The following TCF7L2 variants were observed in gnomAD, a reference collection of about 807,000 sequenced individuals.
TCF7L2 encodes transcription factor 7-like 2.
TCF7L2 carries 23 observed loss-of-function variants against 77.9 expected under a neutral mutation model. That is an observed-to-expected ratio of 0.30 (90% confidence interval 0.21 to 0.42). TCF7L2 has a LOEUF of 0.42. Among genes scored for constraint, TCF7L2 ranks in the 10% least tolerant of loss-of-function variants. TCF7L2 has a pLI of 1.00. For missense variants in TCF7L2, 654 were observed against 793.1 expected, an observed-to-expected ratio of 0.82 and a Z score of 2.11; for synonymous variants, 413 against 340.2, an observed-to-expected ratio of 1.21 and a Z score of -2.36.
chr10:113,014,153 A>C (rs2046938528), intron 4 of TCF7L2, among the ~76,000 whole-genome samples: 1 of 152,194 alleles, frequency 6.6e-6, no homozygotes. Flanking sequence ...TTAGACAGGG[A>C]ATGGGTTAGT....
intron 5 of TCF7L2, among the ~76,000 whole-genome samples, chr10:113,058,276 CT>C (rs1357651672): frequency 6.6e-6 from 1 of 152,106 alleles, no homozygotes; most frequent in Non-Finnish European, 1.5e-5. Context: ...ATTTCAGTGT[CT>C]GATGCCCCAG....
chr10:113,127,061 G>A, intron 5 of TCF7L2: 1 of 353,756 alleles, frequency 2.8e-6, no homozygotes, highest in Non-Finnish European at 4.0e-6. Flanking sequence ...CTGGTAAGCT[G>A]CCGGGGTGGA....
intron 13 of TCF7L2, among the ~76,000 whole-genome samples, chr10:113,162,470 G>T (rs1218416018): frequency 6.6e-6 from 1 of 151,950 alleles, no homozygotes; most frequent in Non-Finnish European, 1.5e-5. Flanking sequence ...TACAGCCTGG[G>T]TGTATCTTCA....
chr10:113,062,939 T>C (rs7070182), intron 5 of TCF7L2, among the ~76,000 whole-genome samples: 27,172 of 152,186 alleles, frequency 0.18, 2,646 homozygotes, highest in African/African-American at 0.23. Context: ...TGTCTGTTTA[T>C]AGATACACAT....
intron 5 of TCF7L2, chr10:113,089,364 G>T: frequency 1.3e-6 from 2 of 1,599,242 alleles, no homozygotes; most frequent in Non-Finnish European, 1.7e-6. Context: ...CCTCGCTCCC[G>T]AGCCTTACTC....
intron 4 of TCF7L2, among the ~76,000 whole-genome samples, chr10:112,994,888 T>C (rs2043184175): frequency 6.6e-6 from 1 of 151,762 alleles, no homozygotes; most frequent in Non-Finnish European, 1.5e-5. Flanking sequence ...TCACCTAAGG[T>C]CAGGAGTTCC....
intron 5 of TCF7L2, among the ~76,000 whole-genome samples, chr10:113,071,219 T>A (rs1229261430): frequency 6.6e-6 from 1 of 152,112 alleles, no homozygotes; most frequent in Non-Finnish European, 1.5e-5. Context: ...CCAGTTGACT[T>A]TTTGAGTAGA....
intron 5 of TCF7L2, among the ~76,000 whole-genome samples, chr10:113,109,965 A>G (rs2062910881): frequency 6.6e-6 from 1 of 152,256 alleles, no homozygotes; most frequent in Non-Finnish European, 1.5e-5. Context: ...GACTTGTTTG[A>G]AGATTATAAC....
At position 113,166,048 on chromosome 10, in the gene TCF7L2, T is replaced by C. The variant is rs2074027020; in HGVS notation, c.*76T>C. 7.3e-7 allele frequency: 1 copy of C among 1,368,878 alleles called. No individual in the cohort carries two copies. The highest frequency in any genetic ancestry group is 2.6e-5 in the East Asian group (1 of 39,188). 84.8% of individuals were successfully genotyped at this position (1,368,878 alleles called of 1,614,324 possible). On this transcript the variant is annotated 3_prime_UTR_variant, in exon 14 of 14. Transcript: ENST00000627217. Reference sequence around the variant, plus strand: ...CTTAATTTGCCCCCCACCCCCACCTTGAAAGGTTTTGTTTTGTACTCTCTT... The same window carrying C: ...CTTAATTTGCCCCCCACCCCCACCTCGAAAGGTTTTGTTTTGTACTCTCTT...
intron 5 of TCF7L2, among the ~76,000 whole-genome samples, chr10:113,080,740 C>T (rs548781964): frequency 5.9e-5 from 9 of 152,040 alleles, no homozygotes; most frequent in South Asian, 4.2e-4. Flanking sequence ...CATAAGCACC[C>T]GAGAAGGTTT....
At chr10:113,160,346 C>T (rs891742966) in intron 12 of TCF7L2, among the ~76,000 whole-genome samples, 3 of 151,982 alleles carry the variant, frequency 2.0e-5, no homozygotes, top group Admixed American at 6.5e-5. Context: ...TTCTCCCCTC[C>T]TCTTCTCTCT....
intron 4 of TCF7L2, among the ~76,000 whole-genome samples, chr10:112,966,188 A>ATTTT (rs1332157424): frequency 1.3e-5 from 1 of 74,762 alleles, no homozygotes; most frequent in African/African-American, 5.9e-5. Flanking sequence ...ATATATTTAT[A>ATTTT]TATATATATA....
intron 5 of TCF7L2, among the ~76,000 whole-genome samples, chr10:113,114,123 C>T (rs1328065684): frequency 6.6e-6 from 1 of 152,204 alleles, no homozygotes; most frequent in African/African-American, 2.4e-5. Flanking sequence ...ATATCCCCAG[C>T]TGAGCTCTCT....
intron 4 of TCF7L2, among the ~76,000 whole-genome samples, chr10:113,021,636 C>A (rs147736011): frequency 6.6e-6 from 1 of 152,172 alleles, no homozygotes; most frequent in African/African-American, 2.4e-5. Context: ...GGTTAAGTAA[C>A]CCCCCCAGGG....
At chr10:113,095,524 G>A (rs1048850188) in intron 5 of TCF7L2, among the ~76,000 whole-genome samples, 2 of 152,112 alleles carry the variant, frequency 1.3e-5, no homozygotes, top group Admixed American at 1.3e-4. Flanking sequence ...TGCCTCCCTG[G>A]GAATTTTTAA....
At chr10:113,039,758 T>A (rs1379320048) in intron 4 of TCF7L2, among the ~76,000 whole-genome samples, 1 of 152,160 alleles carries the variant, frequency 6.6e-6, no homozygotes, top group Non-Finnish European at 1.5e-5. Context: ...TGAAATCATT[T>A]TTTCTGAAGC....
intron 5 of TCF7L2, among the ~76,000 whole-genome samples, chr10:113,059,012 C>CA (rs1564837264): frequency 6.6e-6 from 1 of 152,084 alleles, no homozygotes; most frequent in African/African-American, 2.4e-5. Context: ...CTAATGCAAC[C>CA]GCCCCCCATG....
At chr10:113,099,788 G>A (rs1223097185) in intron 5 of TCF7L2, among the ~76,000 whole-genome samples, 1 of 152,076 alleles carries the variant, frequency 6.6e-6, no homozygotes, top group Non-Finnish European at 1.5e-5. Flanking sequence ...ATTACTTGGA[G>A]ACTTGCCATC....
intron 4 of TCF7L2, among the ~76,000 whole-genome samples, chr10:112,972,453 G>A (rs1210474558): frequency 6.6e-6 from 1 of 152,194 alleles, no homozygotes; most frequent in Non-Finnish European, 1.5e-5. Flanking sequence ...GGGATCCAGT[G>A]TTAAATGCTT....
Sources: gnomAD v4.1 joint callset for allele counts (sites outside exome capture counted in the v4.1 genomes callset) on GRCh38, gnomAD v4.1.1 for gene constraint, MANE v1.5 for transcripts, NCBI Gene and HGNC (gene_info 2026-07-23, HGNC 2026-07-21) for gene names.